Variants in FERRY3 observed in about 807,000 individuals in gnomAD.
The protein encoded by FERRY3 is FERRY endosomal RAB5 effector complex subunit 3.
the FERRY3 span, among the ~76,000 whole-genome samples, chr12:4,530,920 A>G: frequency 6.6e-6 from 1 of 152,178 alleles, no homozygotes; most frequent in Non-Finnish European, 1.5e-5. Flanking sequence ...TGGAAATAAA[A>G]CAAAGATTTT....
the FERRY3 span, among the ~76,000 whole-genome samples, chr12:4,514,817 A>G: frequency 6.6e-6 from 1 of 152,134 alleles, no homozygotes; most frequent in Non-Finnish European, 1.5e-5. Flanking sequence ...GCAGCGTGCC[A>G]GCATGGCACA....
chr12:4,499,673 C>A, the FERRY3 span, among the ~76,000 whole-genome samples: 1 of 152,168 alleles, frequency 6.6e-6, no homozygotes, highest in Non-Finnish European at 1.5e-5. Context: ...TTCTTCCTGT[C>A]ATCTAGCATC....
the FERRY3 span, among the ~76,000 whole-genome samples, chr12:4,496,904 A>C: frequency 6.6e-6 from 1 of 152,230 alleles, no homozygotes; most frequent in African/African-American, 2.4e-5. Context: ...GATGAGAAAT[A>C]GTTTGGCTTT....
At chr12:4,517,684 AAT>A in the FERRY3 span, among the ~76,000 whole-genome samples, 4,295 of 140,444 alleles carry the variant, frequency 0.031, 173 homozygotes, top group African/African-American at 0.1. Flanking sequence ...AGGTTATTAA[AAT>A]ATATATATAT....
At chr12:4,526,951 C>T in the FERRY3 span, among the ~76,000 whole-genome samples, 2 of 151,674 alleles carry the variant, frequency 1.3e-5, no homozygotes, top group East Asian at 3.9e-4. Context: ...CTATATATAC[C>T]TTCTGGTAGT....
At chr12:4,510,700 GA>G in the FERRY3 span, among the ~76,000 whole-genome samples, 1 of 149,714 alleles carries the variant, frequency 6.7e-6, no homozygotes, top group South Asian at 2.1e-4. Context: ...AATGCTGAGA[GA>G]TTTTGTCACC....
At chr12:4,518,469 A>G in the FERRY3 span, among the ~76,000 whole-genome samples, 1 of 152,234 alleles carries the variant, frequency 6.6e-6, no homozygotes, top group African/African-American at 2.4e-5. Flanking sequence ...CCAATAAAAT[A>G]TAGTCTTTCT....
chr12:4,507,602 C>T, the FERRY3 span, among the ~76,000 whole-genome samples: 1 of 152,124 alleles, frequency 6.6e-6, no homozygotes, highest in Non-Finnish European at 1.5e-5. Context: ...AGGTTATTTA[C>T]AATTAGTAGT....
At chr12:4,511,323 C>T in the FERRY3 span, among the ~76,000 whole-genome samples, 1 of 151,172 alleles carries the variant, frequency 6.6e-6, no homozygotes, top group South Asian at 2.1e-4. Flanking sequence ...CAACATTAGA[C>T]AGATCAACGA....
At chr12:4,509,658 G>A in the FERRY3 span, among the ~76,000 whole-genome samples, 1 of 143,242 alleles carries the variant, frequency 7.0e-6, no homozygotes, top group Non-Finnish European at 1.5e-5. Context: ...CACACGGCAG[G>A]GTATTCCAAC....
At chr12:4,536,207 G>A in the FERRY3 span, 2 of 1,531,518 alleles carry the variant, frequency 1.3e-6, no homozygotes, top group Non-Finnish European at 8.8e-7. Context: ...TCTTTGACAG[G>A]ATTTCTACAG....
the FERRY3 span, among the ~76,000 whole-genome samples, chr12:4,537,724 C>G: frequency 6.6e-6 from 1 of 152,064 alleles, no homozygotes; most frequent in South Asian, 2.1e-4. Flanking sequence ...ATTTGTTTTA[C>G]TCAGAAAGAA....
At chr12:4,492,148 A>G in the FERRY3 span, among the ~76,000 whole-genome samples, 9 of 152,202 alleles carry the variant, frequency 5.9e-5, no homozygotes, top group African/African-American at 9.7e-5. Flanking sequence ...AAACTAAGAA[A>G]ACATTAATTT....
chr12:4,523,965 A>AT, the FERRY3 span, among the ~76,000 whole-genome samples: 3 of 151,786 alleles, frequency 2.0e-5, no homozygotes, highest in African/African-American at 7.3e-5. Context: ...TAATAAAAAA[A>AT]TTTAAAAAAA....
At chr12:4,508,716 C>T in the FERRY3 span, among the ~76,000 whole-genome samples, 5 of 151,642 alleles carry the variant, frequency 3.3e-5, no homozygotes, top group South Asian at 2.1e-4. Flanking sequence ...TGCATTCCAG[C>T]CTAGATGACA....
the FERRY3 span, among the ~76,000 whole-genome samples, chr12:4,515,080 TAATA>T: frequency 0.076 from 11,559 of 152,004 alleles, 617 homozygotes; most frequent in Non-Finnish European, 0.11. Flanking sequence ...TAAAGTATAA[TAATA>T]AATAAATAAA....
chr12:4,521,208 A>G, the FERRY3 span, among the ~76,000 whole-genome samples: 1 of 152,080 alleles, frequency 6.6e-6, no homozygotes, highest in Non-Finnish European at 1.5e-5. Context: ...AAAATACAAA[A>G]ATTAGCCAGG....
chr12:4,536,221 T>TAACAAAAAAGC, the FERRY3 span: 1 of 1,490,698 alleles, frequency 6.7e-7, no homozygotes, highest in Non-Finnish European at 9.0e-7. Flanking sequence ...TCTACAGAAC[T>TAACAAAAAAGC]AACAAAAAAG....
At chr12:4,529,325 T>C in the FERRY3 span, among the ~76,000 whole-genome samples, 52 of 152,224 alleles carry the variant, frequency 3.4e-4, no homozygotes, top group East Asian at 2.3e-3. Flanking sequence ...CTAAGGTACT[T>C]GAGCGTACAA....
Sources: allele counts gnomAD v4.1 joint callset (sites outside exome capture counted in the v4.1 genomes callset), GRCh38; gene constraint gnomAD v4.1.1; transcripts MANE v1.5; gene names NCBI Gene and HGNC (gene_info 2026-07-23, HGNC 2026-07-21).